MAGI2: variants seen among roughly 807,000 people sequenced by gnomAD.
The protein encoded by MAGI2 is membrane-associated guanylate kinase, WW and PDZ domain-containing protein 2.
MAGI2 carries 35 observed loss-of-function variants against 133.3 expected under a neutral mutation model. The observed-to-expected ratio is 0.26, with a 90% confidence interval of 0.20 to 0.35. MAGI2 has a LOEUF of 0.35. Among genes scored for constraint, MAGI2 ranks in the 10% least tolerant of loss-of-function variants. MAGI2 has a pLI of 1.00. For missense variants in MAGI2, 1,636 were observed against 1,863.4 expected, an observed-to-expected ratio of 0.88 and a Z score of 2.25; for synonymous variants, 729 against 710.6, an observed-to-expected ratio of 1.03 and a Z score of -0.41.
intron 2 of MAGI2, among the ~76,000 whole-genome samples, chr7:78,704,157 G>A (rs1275989329): frequency 1.3e-5 from 2 of 152,058 alleles, no homozygotes; most frequent in African/African-American, 2.4e-5. Flanking sequence ...AGAAATATGT[G>A]CAAACTATGT....
intron 1 of MAGI2, among the ~76,000 whole-genome samples, chr7:79,135,183 A>G (rs1821279580): frequency 6.6e-6 from 1 of 152,012 alleles, no homozygotes; most frequent in African/African-American, 2.4e-5. Context: ...AATGGTGGTC[A>G]GCACAATTTT....
At chr7:79,306,281 T>G (rs971093443) in intron 1 of MAGI2, among the ~76,000 whole-genome samples, 8 of 146,980 alleles carry the variant, frequency 5.4e-5, no homozygotes, top group African/African-American at 2.0e-4. Context: ...TTTATTTATA[T>G]GTATATATAT....
Position 78,791,916 on chromosome 7 carries a change from T to C in MAGI2, c.419-164677A>G, listed in dbSNP as rs535378995. Among the ~76,000 whole-genome samples, 41 of 152,276 alleles carry C rather than the reference T, an allele frequency of 2.7e-4. 1 individual carries two copies. Among genetic ancestry groups the C allele is most frequent in the African/African-American group, 9.4e-4 (39 of 41,544 alleles). ...AAATTATTATGGAGAACCCTCAAAGTAGAAAATTACATAGTTATAAAATTA... is the reference window on the plus strand; with the variant it reads ...AAATTATTATGGAGAACCCTCAAAGCAGAAAATTACATAGTTATAAAATTA... On this transcript the variant is annotated intron_variant, in intron 2 of 21. Transcript: ENST00000354212.
chr7:79,426,384 G>T (rs867899042), intron 1 of MAGI2, among the ~76,000 whole-genome samples: 24 of 151,848 alleles, frequency 1.6e-4, no homozygotes, highest in African/African-American at 5.1e-4. Context: ...GAACTTCTCA[G>T]ATCTGCATAC....
intron 9 of MAGI2, among the ~76,000 whole-genome samples, chr7:78,316,349 G>A (rs1787408516): frequency 6.6e-6 from 1 of 152,116 alleles, no homozygotes; most frequent in African/African-American, 2.4e-5. Context: ...GTGAGTTCCT[G>A]CCCTTTCCTC....
At chr7:79,011,839 T>C (rs538993668) in intron 1 of MAGI2, among the ~76,000 whole-genome samples, 255 of 152,282 alleles carry the variant, frequency 1.7e-3, no homozygotes, top group African/African-American at 5.7e-3. Context: ...TTGCTCTTTA[T>C]CTTGTACCAC....
chr7:78,556,927 A>G (rs1370255663), intron 3 of MAGI2, among the ~76,000 whole-genome samples: 1 of 62,580 alleles, frequency 1.6e-5, no homozygotes, highest in Non-Finnish European at 3.4e-5. Flanking sequence ...TCTCTACTAA[A>G]AATAAAAAAA....
At chr7:79,293,193 T>C (rs1209422582) in intron 1 of MAGI2, among the ~76,000 whole-genome samples, 3 of 152,210 alleles carry the variant, frequency 2.0e-5, no homozygotes, top group African/African-American at 7.2e-5. Context: ...CCCTGAAATC[T>C]TTGTAAGCCT....
chr7:78,503,418 T>A (rs1584421327), intron 4 of MAGI2, among the ~76,000 whole-genome samples: 1 of 152,084 alleles, frequency 6.6e-6, no homozygotes, highest in East Asian at 1.9e-4. Context: ...TCCCCACATG[T>A]CAAGGGCAGA....
At chr7:79,085,644 T>A (rs1816417699) in intron 1 of MAGI2, among the ~76,000 whole-genome samples, 1 of 151,974 alleles carries the variant, frequency 6.6e-6, no homozygotes, top group South Asian at 2.1e-4. Flanking sequence ...GAGTTTGTTC[T>A]TGTTTGGTGT....
At chr7:79,150,072 A>T (rs10270594) in intron 1 of MAGI2, among the ~76,000 whole-genome samples, 179 of 152,262 alleles carry the variant, frequency 1.2e-3, no homozygotes, top group African/African-American at 4.1e-3. Context: ...TTTGTGTGGC[A>T]GAAAGATGGC....
chr7:78,431,128 C>A (rs1799755094), intron 6 of MAGI2, among the ~76,000 whole-genome samples: 1 of 148,010 alleles, frequency 6.8e-6, no homozygotes, highest in Admixed American at 6.7e-5. Flanking sequence ...AAAACACCTA[C>A]TTGGTTTTTG....
At chr7:78,706,118 C>A (rs1298712332) in intron 2 of MAGI2, among the ~76,000 whole-genome samples, 1 of 151,794 alleles carries the variant, frequency 6.6e-6, no homozygotes, top group Non-Finnish European at 1.5e-5. Flanking sequence ...GGTTAGGAGT[C>A]ATTTAGTAAA....
intron 1 of MAGI2, among the ~76,000 whole-genome samples, chr7:79,079,130 CCCT>C (rs767524374): frequency 6.6e-6 from 1 of 152,046 alleles, no homozygotes; most frequent in African/African-American, 2.4e-5. Context: ...CTCTCTCACC[CCCT>C]CCTCATTTCT....
chr7:78,448,266 AT>A (rs940547959), intron 6 of MAGI2, among the ~76,000 whole-genome samples: 17 of 152,044 alleles, frequency 1.1e-4, no homozygotes. Flanking sequence ...TGACAAGCTG[AT>A]TTCGTTTCCT....
chr7:78,622,912 A>G (rs1334635982), intron 3 of MAGI2, among the ~76,000 whole-genome samples: 2 of 152,030 alleles, frequency 1.3e-5, no homozygotes, highest in Non-Finnish European at 2.9e-5. Flanking sequence ...AATCAGCTCT[A>G]TGCACACTAG....
chr7:78,856,696 G>A (rs1433144264), intron 2 of MAGI2, among the ~76,000 whole-genome samples: 1 of 152,166 alleles, frequency 6.6e-6, no homozygotes, highest in Non-Finnish European at 1.5e-5. Flanking sequence ...GATGCCTCCA[G>A]CTTTTTTCTT....
intron 2 of MAGI2, among the ~76,000 whole-genome samples, chr7:78,700,235 T>C (rs1817927124): frequency 6.6e-6 from 1 of 152,252 alleles, no homozygotes; most frequent in South Asian, 2.1e-4. Flanking sequence ...TGGTAGGAGA[T>C]AGAGATTCTC....
At chr7:79,012,803 C>T (rs185885371) in intron 1 of MAGI2, among the ~76,000 whole-genome samples, 1 of 55,890 alleles carries the variant, frequency 1.8e-5, no homozygotes, top group Non-Finnish European at 3.7e-5. Context: ...CTGTATTTCT[C>T]ACATTTTTGG....
Sources: allele counts gnomAD v4.1 joint callset (sites outside exome capture counted in the v4.1 genomes callset), GRCh38; gene constraint gnomAD v4.1.1; transcripts MANE v1.5; gene names NCBI Gene and HGNC (gene_info 2026-07-23, HGNC 2026-07-21).